The following CNOT4 variants were observed in gnomAD, a reference collection of about 807,000 sequenced individuals.
CNOT4 encodes CCR4-NOT transcription complex subunit 4, also known as CCR4-associated factor 4.
In CNOT4, 8 loss-of-function variants were observed where a neutral mutation model predicts 73.8. That is an observed-to-expected ratio of 0.11 (90% CI 0.06 to 0.20). The LOEUF (loss-of-function observed/expected upper bound fraction) is 0.20. Among genes scored for constraint, CNOT4 ranks in the 10% least tolerant of loss-of-function variants. The pLI is 1.00. For missense variants in CNOT4, 564 were observed against 883.4 expected (o/e 0.64, Z 4.58); for synonymous variants, 293 against 321.1 (o/e 0.91, Z 0.94).
chr7:135,362,658 T>C lies in CNOT4; in HGVS notation c.*227A>G, dbSNP rs1563005047. 1.5e-6 allele frequency: 1 copy of C among 656,412 alleles called. No homozygotes were observed. Among genetic ancestry groups the C allele is most frequent in the African/African-American group, 1.8e-5 (1 of 55,428 alleles). The allele number at this position is 656,412 out of a possible 1,614,324, so 40.7% of individuals were successfully genotyped here. On this transcript the variant is annotated 3_prime_UTR_variant, in exon 12 of 12. Transcript: ENST00000541284. ...CTTAAAAAGGCATTTTTAGAAACAT[T>C]CAACAGTGTCACTCAAATGCTGGAT...
At chr7:135,486,945 A>T (rs1017719612) in intron 1 of CNOT4, among the ~76,000 whole-genome samples, 2 of 152,186 alleles carry the variant, frequency 1.3e-5, no homozygotes, top group East Asian at 3.9e-4. Flanking sequence ...GAGTACTAAG[A>T]TCCAGAAAAT....
In CNOT4 at chr7:135,422,116, C is replaced by CAG. The variant is rs10654045; in HGVS notation, c.372+39_372+40insCT. Reference sequence around the variant, plus strand: ...ATTATTTCCAAGTAAGACAAGGAAACAAAAAATATCAAGATGACAAAGAAA... The same window carrying CAG: ...ATTATTTCCAAGTAAGACAAGGAAACAGAAAAAATATCAAGATGACAAAGAAA... On this transcript the variant is annotated intron_variant, in intron 3 of 11. Transcript: ENST00000541284. 10,133 of 1,259,794 alleles carry CAG rather than the reference C, an allele frequency of 8.0e-3. 659 individuals are homozygous for CAG. The African/African-American group carries it at 0.14, about 17-fold the overall frequency. The allele number at this position is 1,259,794 out of a possible 1,614,324, so 78.0% of individuals were successfully genotyped here. A position where few individuals can be genotyped will look rare whatever the true frequency, so the allele number is the denominator to read the frequency against.
chr7:135,493,762 A>G (rs1283373035), intron 1 of CNOT4, among the ~76,000 whole-genome samples: 1 of 152,216 alleles, frequency 6.6e-6, no homozygotes, highest in Admixed American at 6.5e-5. Flanking sequence ...GCTCCCTATC[A>G]ATGGAAGACA....
chr7:135,429,294 C>A (rs1178024294), intron 2 of CNOT4, among the ~76,000 whole-genome samples: 1 of 151,882 alleles, frequency 6.6e-6, no homozygotes, highest in Non-Finnish European at 1.5e-5. Flanking sequence ...TATCATTTTT[C>A]CCTCCTTTCA....
intron 1 of CNOT4, chr7:135,444,688 T>G (rs1799708743): frequency 4.2e-6 from 5 of 1,186,970 alleles, no homozygotes; most frequent in South Asian, 3.6e-5. Flanking sequence ...CTCCTGGGTC[T>G]GCTTCCGGCT....
At position 135,361,853 on chromosome 7, in the gene CNOT4, G is replaced by A. The variant is rs1794665588; in HGVS notation, c.*1032C>T. 1 of 152,618 alleles carries A rather than the reference G, an allele frequency of 6.6e-6. No individual in the cohort carries two copies. The highest frequency in any genetic ancestry group is 2.4e-5 in the African/African-American group (1 of 41,426). The allele number at this position is 152,618 out of a possible 1,614,324, so 9.5% of individuals were successfully genotyped here. A position where few individuals can be genotyped will look rare whatever the true frequency, so the allele number is the denominator to read the frequency against. ...TTTAGTTTTAATTCTGAAGAAAGAG[G>A]TACATTTCCTTGTTTTTAGTTTTAG... On this transcript the variant is annotated 3_prime_UTR_variant, in exon 12 of 12. Coordinates refer to ENST00000541284, the MANE Select transcript of CNOT4 (RefSeq NM_001190850.2).
Position 135,401,937 on chromosome 7 carries a change from T to C in CNOT4, c.822-3711A>G, listed in dbSNP as rs75425770. ...TTCAAGTGGGACTAAGAAATACTAA[T>C]AGGTAATCTGGTCTCCTAACACAAT... is the stretch of plus-strand genomic sequence containing the variant. On this transcript the variant is annotated intron_variant, in intron 7 of 11. Transcript: ENST00000541284. Among the ~76,000 whole-genome samples, 359 of 152,256 alleles carry C rather than the reference T, an allele frequency of 2.4e-3. 12 individuals are homozygous for C. In the East Asian group the frequency reaches 0.053, roughly 23 times the overall value.
At chr7:135,477,875 T>A (rs190894435) in intron 1 of CNOT4, among the ~76,000 whole-genome samples, 8 of 152,292 alleles carry the variant, frequency 5.3e-5, no homozygotes, top group Admixed American at 3.9e-4. Flanking sequence ...CTCAGACACA[T>A]AATCCTTATA....
intron 7 of CNOT4, among the ~76,000 whole-genome samples, chr7:135,406,787 G>C (rs1286422080): frequency 1.3e-5 from 2 of 152,098 alleles, no homozygotes; most frequent in African/African-American, 4.8e-5. Flanking sequence ...GTGGCTCCTA[G>C]ACATTCTCCT....
At chr7:135,440,928 A>G (rs1176814047) in intron 1 of CNOT4, among the ~76,000 whole-genome samples, 1 of 151,858 alleles carries the variant, frequency 6.6e-6, no homozygotes, top group African/African-American at 2.4e-5. Context: ...AAAAAAAAAG[A>G]GTAGAAAACT....
chr7:135,393,394 A>C (rs1170312524), intron 10 of CNOT4, among the ~76,000 whole-genome samples: 3 of 152,166 alleles, frequency 2.0e-5, no homozygotes, highest in African/African-American at 2.4e-5. Context: ...TGCTTGTAAA[A>C]CATTCATAAT....
chr7:135,470,243 C>T (rs1053566797), intron 1 of CNOT4, among the ~76,000 whole-genome samples: 5 of 152,040 alleles, frequency 3.3e-5, no homozygotes, highest in Non-Finnish European at 7.4e-5. Flanking sequence ...AATCCTCCCA[C>T]CTCAGCCTCC....
intron 1 of CNOT4, among the ~76,000 whole-genome samples, chr7:135,484,724 T>C (rs1226052384): frequency 3.4e-5 from 5 of 148,644 alleles, no homozygotes; most frequent in African/African-American, 5.0e-5. Flanking sequence ...CACTGCACTC[T>C]AGCCTAGGCA....
At position 135,443,731 on chromosome 7, in the gene CNOT4, T is replaced by G. The variant is rs146701401; in HGVS notation, c.-92-5308A>C. ...GCATCACCAAAAATCTCACATACCA[T>G]GTAGTAAGTACACAAAATAAAAATC... On this transcript the variant is annotated intron_variant, in intron 1 of 11. Transcript: ENST00000541284. 1.4e-3 allele frequency among the ~76,000 whole-genome samples: 207 copies of G among 152,316 alleles called. 1 individual carries two copies. Among genetic ancestry groups the G allele is most frequent in the African/African-American group, 4.9e-3 (204 of 41,572 alleles).
chr7:135,446,230 A>G (rs1430721102), intron 1 of CNOT4, among the ~76,000 whole-genome samples: 1 of 152,208 alleles, frequency 6.6e-6, no homozygotes, highest in Non-Finnish European at 1.5e-5. Context: ...AAAGATACAG[A>G]AAGTGGAATA....
chr7:135,466,950 T>A (rs778115118), intron 1 of CNOT4, among the ~76,000 whole-genome samples: 25 of 152,184 alleles, frequency 1.6e-4, no homozygotes, highest in Admixed American at 3.3e-4. Context: ...AACAAAATAA[T>A]CTAATGATGC....
intron 1 of CNOT4, among the ~76,000 whole-genome samples, chr7:135,460,936 T>C (rs1157030729): frequency 6.6e-6 from 1 of 152,246 alleles, no homozygotes; most frequent in Non-Finnish European, 1.5e-5. Context: ...TATTTCAGGC[T>C]ACATAGGCAC....
intron 1 of CNOT4, among the ~76,000 whole-genome samples, chr7:135,505,251 A>T (rs961047307): frequency 1.3e-5 from 2 of 152,182 alleles, no homozygotes; most frequent in African/African-American, 4.8e-5. Flanking sequence ...ACAGAGTTTA[A>T]TAATAAAGAA....
intron 1 of CNOT4, among the ~76,000 whole-genome samples, chr7:135,508,567 T>G (rs995951881): frequency 5.3e-5 from 8 of 152,238 alleles, no homozygotes; most frequent in Non-Finnish European, 8.8e-5. Context: ...TTCTGATAAC[T>G]ATCATCCTAG....
Sources: allele counts gnomAD v4.1 joint callset (sites outside exome capture counted in the v4.1 genomes callset), GRCh38; gene constraint gnomAD v4.1.1; transcripts MANE v1.5; gene names NCBI Gene and HGNC (gene_info 2026-07-23, HGNC 2026-07-21).